Variants in COL24A1 observed in about 807,000 individuals in gnomAD.
The protein encoded by COL24A1 is collagen alpha-1(XXIV) chain.
A neutral mutation model predicts 253.9 loss-of-function variants in COL24A1; 224 were observed. That is an observed-to-expected ratio of 0.88 (90% CI 0.79 to 0.99). The LOEUF (loss-of-function observed/expected upper bound fraction) is 0.99, where lower values mean the gene tolerates loss of function less well. Among genes scored for constraint, COL24A1 ranks in the 50% least tolerant of loss-of-function variants. COL24A1 has a pLI of 0.00. For missense variants in COL24A1, 2,131 were observed against 2,068.5 expected (o/e 1.03, Z -0.59); for synonymous variants, 685 against 673.7 (o/e 1.02, Z -0.26).
At chr1:85,810,193 T>C (rs1672386668) in intron 47 of COL24A1, among the ~76,000 whole-genome samples, 1 of 152,150 alleles carries the variant, frequency 6.6e-6, no homozygotes. Context: ...GTGCTCATTA[T>C]ACACTAAGTA....
At chr1:86,037,769 T>A (rs2101577458) in intron 12 of COL24A1, among the ~76,000 whole-genome samples, 1 of 152,058 alleles carries the variant, frequency 6.6e-6, no homozygotes, top group South Asian at 2.1e-4. Flanking sequence ...ATTTGTTATG[T>A]ATCAATAGAA....
chr1:85,797,491 A>G (rs905649887), intron 47 of COL24A1, among the ~76,000 whole-genome samples: 9 of 152,340 alleles, frequency 5.9e-5, no homozygotes, highest in African/African-American at 2.2e-4. Flanking sequence ...AAGCAGTGGA[A>G]ATAAAGTACA....
At chr1:86,000,535 T>G (rs1695295677) in intron 19 of COL24A1, among the ~76,000 whole-genome samples, 1 of 152,214 alleles carries the variant, frequency 6.6e-6, no homozygotes, top group Admixed American at 6.5e-5. Flanking sequence ...GTAAATTGTT[T>G]AGGCAAAGGG....
chr1:85,875,873 C>G (rs1169230483), intron 33 of COL24A1, among the ~76,000 whole-genome samples: 1 of 151,950 alleles, frequency 6.6e-6, no homozygotes, highest in Non-Finnish European at 1.5e-5. Context: ...CTGGCTATTT[C>G]CAGGCCTAAA....
chr1:85,821,045 CT>C (rs895864001), intron 45 of COL24A1, among the ~76,000 whole-genome samples: 13 of 152,206 alleles, frequency 8.5e-5, no homozygotes, highest in African/African-American at 3.1e-4. Flanking sequence ...AAAAATTATT[CT>C]TTCTTTTTTC....
intron 14 of COL24A1, chr1:86,030,611 C>T (rs998146586): frequency 1.3e-5 from 2 of 152,202 alleles, no homozygotes; most frequent in African/African-American, 4.8e-5. Context: ...GTTTGCTTTG[C>T]AAGAAGTGAA....
At chr1:86,110,723 C>T (rs867446128) in intron 5 of COL24A1, among the ~76,000 whole-genome samples, 33 of 152,296 alleles carry the variant, frequency 2.2e-4, no homozygotes, top group Middle Eastern at 6.8e-3. Context: ...TCCCGCAGCA[C>T]TGATGGCCCG....
intron 18 of COL24A1, among the ~76,000 whole-genome samples, chr1:86,021,524 T>C (rs56353901): frequency 0.084 from 12,818 of 152,086 alleles, 670 homozygotes; most frequent in Middle Eastern, 0.19. Flanking sequence ...TTTCTTAATA[T>C]AAAAAATAGG....
chr1:85,961,748 G>A (rs1473860398), intron 23 of COL24A1, among the ~76,000 whole-genome samples: 2 of 152,166 alleles, frequency 1.3e-5, no homozygotes, highest in African/African-American at 4.8e-5. Context: ...AAGGTAAAGG[G>A]GAAGCAAGCA....
intron 55 of COL24A1, among the ~76,000 whole-genome samples, chr1:85,760,668 C>T (rs774842556): frequency 2.0e-5 from 3 of 151,908 alleles, no homozygotes; most frequent in South Asian, 2.1e-4. Context: ...GATGGTGTAG[C>T]GAACAGTAGA....
At chr1:86,070,305 T>C (rs1701785998) in intron 7 of COL24A1, among the ~76,000 whole-genome samples, 2 of 151,530 alleles carry the variant, frequency 1.3e-5, no homozygotes, top group Non-Finnish European at 1.5e-5. Flanking sequence ...GAAAACAGAA[T>C]AAAAAACAAT....
chr1:86,055,676 A>G (rs1700612568), intron 10 of COL24A1, among the ~76,000 whole-genome samples: 1 of 152,234 alleles, frequency 6.6e-6, no homozygotes, highest in South Asian at 2.1e-4. Flanking sequence ...ACATGCATAC[A>G]CTATGCCCTA....
At chr1:86,118,208 G>A (rs549340166) in intron 3 of COL24A1, among the ~76,000 whole-genome samples, 1 of 152,048 alleles carries the variant, frequency 6.6e-6, no homozygotes, top group South Asian at 2.1e-4. Context: ...GATTACAGGT[G>A]CGTGCCACCA....
intron 43 of COL24A1, among the ~76,000 whole-genome samples, chr1:85,830,640 G>A (rs1475459592): frequency 6.6e-6 from 1 of 152,118 alleles, no homozygotes; most frequent in Non-Finnish European, 1.5e-5. Context: ...TGTTTTTAAA[G>A]CCCGTCGGAA....
intron 19 of COL24A1, among the ~76,000 whole-genome samples, chr1:86,011,238 C>A (rs1444033837): frequency 6.6e-6 from 1 of 152,064 alleles, no homozygotes; most frequent in Non-Finnish European, 1.5e-5. Context: ...TGAATAAACT[C>A]AGCTTAACCA....
At chr1:86,049,920 T>G (rs945579238) in intron 11 of COL24A1, among the ~76,000 whole-genome samples, 1 of 152,136 alleles carries the variant, frequency 6.6e-6, no homozygotes, top group African/African-American at 2.4e-5. Context: ...TACAATTATA[T>G]TTCTATCATG....
chr1:85,816,964 A>G (rs932358599), intron 46 of COL24A1, 69 bp from the exon 47 acceptor site: 12 of 1,165,944 alleles, frequency 1.0e-5, no homozygotes, highest in Non-Finnish European at 1.4e-5. Context: ...ATACTTTTTT[A>G]TTTATTGAGC....
intron 10 of COL24A1, among the ~76,000 whole-genome samples, chr1:86,056,260 C>T (rs148484669): frequency 2.6e-5 from 4 of 152,258 alleles, no homozygotes; most frequent in Admixed American, 6.5e-5. Context: ...TATGTGATTA[C>T]TTAATGCAAG....
chr1:85,856,965 A>C (rs1252946292), intron 37 of COL24A1, among the ~76,000 whole-genome samples: 1 of 152,098 alleles, frequency 6.6e-6, no homozygotes, highest in Non-Finnish European at 1.5e-5. Flanking sequence ...AAGGATGAGG[A>C]TATGACATAG....
Sources: gnomAD v4.1 joint callset for allele counts (sites outside exome capture counted in the v4.1 genomes callset) on GRCh38, gnomAD v4.1.1 for gene constraint, MANE v1.5 for transcripts, NCBI Gene and HGNC (gene_info 2026-07-23, HGNC 2026-07-21) for gene names.